Variants in TENT4A observed in about 807,000 individuals in gnomAD.
The protein encoded by TENT4A is terminal nucleotidyltransferase 4A, also known as DNA polymerase kappa.
A neutral mutation model predicts 72.8 loss-of-function variants in TENT4A; 7 were observed. That is an observed-to-expected ratio of 0.10 (90% confidence interval 0.05 to 0.18). TENT4A has a LOEUF of 0.18. TENT4A is among the 10% of genes least tolerant of loss of function. The probability of loss-of-function intolerance (pLI) is 1.00; values close to 1 mark genes in which losing one functional copy is unlikely to be tolerated. For synonymous variants in TENT4A, 456 were observed against 434.3 expected, an observed-to-expected ratio of 1.05 and a Z score of -0.62; for missense variants, 831 against 1,017.7, an observed-to-expected ratio of 0.82 and a Z score of 2.50.
intron 8 of TENT4A, 113 bp downstream of exon 8, chr5:6,748,703 C>T: frequency 8.9e-7 from 1 of 1,123,990 alleles, no homozygotes; most frequent in East Asian, 2.4e-5. Context: ...TGCCGTATTT[C>T]AGTAGAATCT....
At chr5:6,730,223 C>T (rs1025834362) in intron 1 of TENT4A, among the ~76,000 whole-genome samples, 3 of 152,098 alleles carry the variant, frequency 2.0e-5, no homozygotes, top group South Asian at 2.1e-4. Flanking sequence ...GCTCACACTC[C>T]GGTGAGGTTC....
At chr5:6,722,337 C>G (rs373649759) in intron 1 of TENT4A, among the ~76,000 whole-genome samples, 1 of 152,280 alleles carries the variant, frequency 6.6e-6, no homozygotes, top group East Asian at 1.9e-4. Context: ...TCCTTCTTGC[C>G]AGCTGGACAG....
chr5:6,746,032 C>T, intron 6 of TENT4A, 182 bp from the exon 7 acceptor site: 1 of 1,453,784 alleles, frequency 6.9e-7, no homozygotes, highest in Non-Finnish European at 9.0e-7. Flanking sequence ...CGTTGTGTTC[C>T]TTTTGAACAC....
intron 6 of TENT4A, among the ~76,000 whole-genome samples, chr5:6,744,851 C>T (rs1000760802): frequency 6.6e-6 from 1 of 152,200 alleles, no homozygotes; most frequent in Admixed American, 6.5e-5. Context: ...TGATATACTC[C>T]TGACTTGCAC....
chr5:6,720,969 G>A (rs1241746156), intron 1 of TENT4A, among the ~76,000 whole-genome samples: 1 of 152,162 alleles, frequency 6.6e-6, no homozygotes, highest in Non-Finnish European at 1.5e-5. Context: ...GGCTTCCCCA[G>A]AACCTTGGCT....
At chr5:6,746,548 C>T (rs1028626301) in intron 7 of TENT4A, 121 bp downstream of exon 7, 1 of 757,540 alleles carries the variant, frequency 1.3e-6, no homozygotes, top group Non-Finnish European at 2.2e-6. Flanking sequence ...ATGCAGGTTT[C>T]TCTTATACTA....
Position 6,737,571 on chromosome 5 carries a change from A to G in TENT4A, c.778A>G (p.Met260Val). Reference sequence around the variant, plus strand: ...GTCCCCTTGTCCTGAAGAAGCAGCTATGAGAAGAGAGGTGGTGAAACGGAT... The same window carrying G: ...GTCCCCTTGTCCTGAAGAAGCAGCTGTGAGAAGAGAGGTGGTGAAACGGAT... Reference protein sequence around the residue: ...FMSPCPEEAAMRREVVKRIET... With the variant: ...FMSPCPEEAAVRREVVKRIET... Residue 260 changes from methionine to valine, a missense_variant, in exon 2 of 13, where the codon ATG becomes GTG. Physicochemically the swap from Met to Val is conservative, Grantham distance 21. Coordinates refer to ENST00000230859, the MANE Select transcript of TENT4A (RefSeq NM_006999.6). The G allele has an allele frequency of 6.2e-7, 1 of 1,614,118 alleles. No individual in the cohort carries two copies. Among genetic ancestry groups the G allele is most frequent in the Non-Finnish European group, 8.5e-7 (1 of 1,179,952 alleles).
intron 1 of TENT4A, among the ~76,000 whole-genome samples, chr5:6,718,722 C>A (rs949078447): frequency 6.6e-6 from 1 of 152,190 alleles, no homozygotes; most frequent in African/African-American, 2.4e-5. Flanking sequence ...GTCTTTTGTT[C>A]CATGGCCAAG....
At chr5:6,737,753 G>C in intron 2 of TENT4A, 120 bp downstream of exon 2, 1 of 1,136,452 alleles carries the variant, frequency 8.8e-7, no homozygotes. Context: ...CGAGGCAGCA[G>C]TTCTCCAAGT....
intron 1 of TENT4A, among the ~76,000 whole-genome samples, chr5:6,716,847 C>T (rs1010522743): frequency 1.3e-5 from 2 of 152,216 alleles, no homozygotes; most frequent in Admixed American, 6.5e-5. Context: ...CTTTCCTTTT[C>T]CCCTTTGCTG....
At chr5:6,715,795 T>G (rs188402948) in intron 1 of TENT4A, among the ~76,000 whole-genome samples, 53 of 152,342 alleles carry the variant, frequency 3.5e-4, no homozygotes, top group African/African-American at 1.0e-3. Flanking sequence ...GCATGTTCTG[T>G]AACTTATTTC....
intron 1 of TENT4A, among the ~76,000 whole-genome samples, chr5:6,725,937 A>G (rs1481734349): frequency 6.6e-6 from 1 of 152,254 alleles, no homozygotes; most frequent in Non-Finnish European, 1.5e-5. Flanking sequence ...GACTAAGAGC[A>G]TAAAACATGA....
chr5:6,751,250 G>C (rs1742387460), intron 11 of TENT4A, 53 bp downstream of exon 11: 1 of 1,577,904 alleles, frequency 6.3e-7, no homozygotes, highest in African/African-American at 1.3e-5. Context: ...AACAGCATCC[G>C]AGCTGTGATA....
At chr5:6,720,872 G>A (rs1740614953) in intron 1 of TENT4A, among the ~76,000 whole-genome samples, 1 of 151,954 alleles carries the variant, frequency 6.6e-6, no homozygotes, top group African/African-American at 2.4e-5. Flanking sequence ...CTGGAACCCA[G>A]TTCTCTTAAG....
chr5:6,727,001 C>T (rs1474931732), intron 1 of TENT4A, among the ~76,000 whole-genome samples: 2 of 152,152 alleles, frequency 1.3e-5, no homozygotes, highest in Non-Finnish European at 2.9e-5. Context: ...AGTACATGGG[C>T]TCTGCCTACC....
Position 6,743,712 on chromosome 5 carries a change from A to G in TENT4A, c.1117A>G (p.Lys373Glu), listed in dbSNP as rs138749862. The change falls in exon 6 of 13, where the codon AAA becomes GAA. Residue 373 changes from lysine to glutamate, a missense_variant and splice_region_variant. By Grantham distance (56) the Lys-to-Glu change is moderately conservative. Coordinates refer to ENST00000230859, the MANE Select transcript of TENT4A (RefSeq NM_006999.6). ...AATCTTTTTCTTTTGGAATTTACAG[A>G]AATATTCATTGCTGCCTTACTTGAT... ...AAEFIKNYMK[K>E]YSLLPYLILV... The G allele has an allele frequency of 4.4e-4, 704 of 1,602,776 alleles. 2 individuals are homozygous for G. Among genetic ancestry groups the G allele is most frequent in the Non-Finnish European group, 8.2e-5 (96 of 1,172,128 alleles).
At chr5:6,724,279 TG>T (rs1180909900) in intron 1 of TENT4A, among the ~76,000 whole-genome samples, 1 of 152,138 alleles carries the variant, frequency 6.6e-6, no homozygotes, top group Non-Finnish European at 1.5e-5. Flanking sequence ...TGGGCAGAGA[TG>T]GGCCAGTGAC....
Position 6,750,915 on chromosome 5 carries a change from G to C in TENT4A, c.1861-124G>C, listed in dbSNP as rs371663575. The stretch of plus-strand genomic sequence containing the variant: ...GTTTGGGCTGCCTGTTCAGAAGTTA[G>C]ACTTAATTTGAATAACCTTTCATAG... On this transcript the variant is annotated intron_variant, in intron 10 of 12. Coordinates refer to ENST00000230859, the MANE Select transcript of TENT4A (RefSeq NM_006999.6). 8.2e-5 allele frequency: 86 copies of C among 1,049,112 alleles called. 1 individual carries two copies. The East Asian group carries it at 1.0e-3, about 12-fold the overall frequency. 65.0% of individuals were successfully genotyped at this position (1,049,112 alleles called of 1,614,324 possible). A position where few individuals can be genotyped will look rare whatever the true frequency, so the allele number is the denominator to read the frequency against.
chr5:6,752,673 G>A (rs1411588659), intron 11 of TENT4A, among the ~76,000 whole-genome samples, 200 bp from the exon 12 acceptor site: 14 of 152,238 alleles, frequency 9.2e-5, no homozygotes, highest in Admixed American at 5.2e-4. Flanking sequence ...TACTTTATAT[G>A]CCAGTTGCTG....
Sources: allele counts gnomAD v4.1 joint callset (sites outside exome capture counted in the v4.1 genomes callset), GRCh38; gene constraint gnomAD v4.1.1; transcripts MANE v1.5; gene names NCBI Gene and HGNC (gene_info 2026-07-23, HGNC 2026-07-21).